The following ERC2 variants were observed in gnomAD, a reference collection of about 807,000 sequenced individuals.
ERC2 encodes the protein ELKS/RAB6-interacting/CAST family member 2.
In ERC2, 42 loss-of-function variants were observed where a neutral mutation model predicts 114.8. The observed-to-expected ratio is 0.37, with a 90% confidence interval of 0.29 to 0.47. The LOEUF is 0.47. ERC2 is among the 20% of genes least tolerant of loss of function. The pLI is 0.99. For synonymous variants in ERC2, 454 were observed against 425.5 expected, an observed-to-expected ratio of 1.07 and a Z score of -0.82; for missense variants, 939 against 1,150.7, an observed-to-expected ratio of 0.82 and a Z score of 2.66.
intron 7 of ERC2, among the ~76,000 whole-genome samples, chr3:56,036,671 A>G (rs2074825724): frequency 6.6e-6 from 1 of 152,166 alleles, no homozygotes; most frequent in Non-Finnish European, 1.5e-5. Flanking sequence ...GCACAGAACA[A>G]GTGGAGCTCT....
chr3:55,589,015 G>GAGTTTGAATTCACTTATTAGCTGTGT lies in ERC2; in HGVS notation c.*40-77765_*40-77740dup, dbSNP rs537128351. Reference sequence around the variant, plus strand: ...ACAGGCTTTGGAGTCAGCCGGACCTGAGTTTGAATTCACTTATTAGCTGTG... The same window carrying GAGTTTGAATTCACTTATTAGCTGTGT: ...ACAGGCTTTGGAGTCAGCCGGACCTGAGTTTGAATTCACTTATTAGCTGTGTAGTTTGAATTCACTTATTAGCTGTG... On this transcript the variant is annotated intron_variant, in intron 17 of 17. Coordinates refer to ENST00000288221, the MANE Select transcript of ERC2 (RefSeq NM_015576.3). 7.9e-5 allele frequency among the ~76,000 whole-genome samples: 12 copies of GAGTTTGAATTCACTTATTAGCTGTGT among 152,188 alleles called. No individual in the cohort carries two copies. In the South Asian group the frequency reaches 2.5e-3, roughly 32 times the overall value.
intron 2 of ERC2, among the ~76,000 whole-genome samples, chr3:56,421,328 C>T (rs2061380616): frequency 6.6e-6 from 1 of 152,214 alleles, no homozygotes; most frequent in Non-Finnish European, 1.5e-5. Context: ...CTGTCCTTTC[C>T]TCCTCACCAC....
At position 55,950,563 on chromosome 3, in the gene ERC2, G is replaced by A. The variant is rs373279327; in HGVS notation, c.2268-3C>T. 12 of 1,613,770 alleles carry A rather than the reference G, an allele frequency of 7.4e-6. No homozygotes were observed. In the African/African-American group the frequency reaches 1.3e-4, roughly 18 times the overall value. ...TCTTATTCTGATCTTTCATATGCCT[G>A]AGAAAAGTCAGCACAGCTTGGTTAA... is the stretch of plus-strand genomic sequence containing the variant. On this transcript the variant is annotated splice_region_variant and splice_polypyrimidine_tract_variant and intron_variant, in intron 12 of 17. Transcript: ENST00000288221.
At chr3:56,152,127 C>T (rs1275633280) in intron 4 of ERC2, among the ~76,000 whole-genome samples, 3 of 151,994 alleles carry the variant, frequency 2.0e-5, no homozygotes, top group Non-Finnish European at 4.4e-5. Context: ...TCACAGAACC[C>T]AAATGCTCCA....
At chr3:56,008,444 A>G (rs1310636172) in intron 9 of ERC2, among the ~76,000 whole-genome samples, 1 of 152,132 alleles carries the variant, frequency 6.6e-6, no homozygotes, top group Non-Finnish European at 1.5e-5. Flanking sequence ...TACAATTCCA[A>G]TTTCAATGAC....
rs532301332 is a variant in ERC2, at chr3:55,804,375, T to C, written c.2565-69457A>G. ...TGGTGGTCTGCTTAGGAGAGTAAAC[T>C]CTACTGTTAAGAGAATGGGGTGAGA... On this transcript the variant is annotated intron_variant, in intron 14 of 17. Coordinates refer to ENST00000288221, the MANE Select transcript of ERC2 (RefSeq NM_015576.3). 2.0e-5 allele frequency among the ~76,000 whole-genome samples: 3 copies of C among 152,240 alleles called. No homozygotes were observed. The South Asian group carries it at 6.2e-4, about 32-fold the overall frequency.
At chr3:55,952,176 C>CT (rs1324752720) in intron 12 of ERC2, among the ~76,000 whole-genome samples, 668 of 44,840 alleles carry the variant, frequency 0.015, 9 homozygotes, top group Middle Eastern at 0.029. Flanking sequence ...CACACACACA[C>CT]ACACTCTCTC....
At chr3:55,768,205 T>C (rs2067953586) in intron 14 of ERC2, among the ~76,000 whole-genome samples, 1 of 152,180 alleles carries the variant, frequency 6.6e-6, no homozygotes, top group African/African-American at 2.4e-5. Context: ...ATTACCTAGT[T>C]TTAGGTATTT....
intron 3 of ERC2, among the ~76,000 whole-genome samples, chr3:56,176,233 T>C (rs1291957926): frequency 6.6e-6 from 1 of 152,210 alleles, no homozygotes; most frequent in Non-Finnish European, 1.5e-5. Context: ...TTTCATACCA[T>C]AACCAATCCT....
At chr3:56,033,047 AG>A (rs375671594) in intron 7 of ERC2, among the ~76,000 whole-genome samples, 2,563 of 97,702 alleles carry the variant, frequency 0.026, 62 homozygotes, top group Middle Eastern at 0.042. Context: ...AAAGAAAGAA[AG>A]AAAGAAAGAA....
At chr3:56,172,525 A>C (rs1298026509) in intron 4 of ERC2, among the ~76,000 whole-genome samples, 2 of 152,210 alleles carry the variant, frequency 1.3e-5, no homozygotes, top group Non-Finnish European at 2.9e-5. Context: ...AAGATGCATT[A>C]TCCTATCAGC....
intron 17 of ERC2, among the ~76,000 whole-genome samples, chr3:55,569,788 C>T (rs1372806366): frequency 3.3e-5 from 5 of 151,206 alleles, no homozygotes; most frequent in Admixed American, 1.3e-4. Context: ...ATGATCATTT[C>T]GTGGTGTCCA....
chr3:55,651,175 T>C (rs991893402), intron 17 of ERC2, among the ~76,000 whole-genome samples: 1 of 151,920 alleles, frequency 6.6e-6, no homozygotes. Context: ...TCTCATAGGA[T>C]GTTATATGCC....
intron 17 of ERC2, among the ~76,000 whole-genome samples, chr3:55,649,911 C>G (rs1446696826): frequency 1.3e-5 from 2 of 152,122 alleles, no homozygotes; most frequent in African/African-American, 4.8e-5. Context: ...TTTTTAAATC[C>G]ACGTCGCTGG....
At chr3:55,549,477 CTTTTTTTTT>C (rs11404043) in intron 17 of ERC2, among the ~76,000 whole-genome samples, 1 of 123,190 alleles carries the variant, frequency 8.1e-6, no homozygotes, top group African/African-American at 3.0e-5. Flanking sequence ...GCCGCCTTAC[CTTTTTTTTT>C]TTTTTTTTTT....
rs1324732430 is a variant in ERC2, at chr3:55,510,986, G to GATGATCACATTCAAAATGCCCGC, written c.*307_*329dup. 6.6e-5 allele frequency: 10 copies of GATGATCACATTCAAAATGCCCGC among 152,328 alleles called. No individual in the cohort carries two copies. Among genetic ancestry groups the GATGATCACATTCAAAATGCCCGC allele is most frequent in the Admixed American group, 4.6e-4 (7 of 15,284 alleles). The allele number at this position is 152,328 out of a possible 1,614,324, so 9.4% of individuals were successfully genotyped here. A position where few individuals can be genotyped will look rare whatever the true frequency, so the allele number is the denominator to read the frequency against. On this transcript the variant is annotated 3_prime_UTR_variant, in exon 18 of 18. Coordinates refer to ENST00000288221, the MANE Select transcript of ERC2 (RefSeq NM_015576.3). ...TTATCAAATAATGACATTCAGCAAA[G>GATGATCACATTCAAAATGCCCGC]ATGATCACATTCAAAATGCCCGCAT...
intron 15 of ERC2, among the ~76,000 whole-genome samples, chr3:55,703,345 T>C (rs992614592): frequency 7.2e-5 from 11 of 152,208 alleles, no homozygotes; most frequent in African/African-American, 2.7e-4. Context: ...TGCTGTTCTC[T>C]CTCTCGGTCC....
intron 2 of ERC2, among the ~76,000 whole-genome samples, chr3:56,331,112 T>C (rs906423670): frequency 1.1e-4 from 17 of 152,194 alleles, no homozygotes; most frequent in African/African-American, 4.1e-4. Context: ...TAGACCCTCT[T>C]CTTAACCTTG....
intron 15 of ERC2, among the ~76,000 whole-genome samples, chr3:55,730,473 T>G (rs1302378775): frequency 6.6e-6 from 1 of 152,192 alleles, no homozygotes; most frequent in African/African-American, 2.4e-5. Flanking sequence ...ATGCATTCAT[T>G]CATACAACAA....
Sources: allele counts gnomAD v4.1 joint callset (sites outside exome capture counted in the v4.1 genomes callset), GRCh38; gene constraint gnomAD v4.1.1; transcripts MANE v1.5; gene names NCBI Gene and HGNC (gene_info 2026-07-23, HGNC 2026-07-21).